EPHA4: variants seen among roughly 807,000 people sequenced by gnomAD.
EPHA4 encodes the protein ephrin type-A receptor 4.
A neutral mutation model predicts 108.3 loss-of-function variants in EPHA4; 19 were observed. That is an observed-to-expected ratio of 0.18 (90% confidence interval 0.12 to 0.26). The LOEUF is 0.26. EPHA4 is among the 10% of genes least tolerant of loss of function. The pLI, the probability that EPHA4 is intolerant of heterozygous loss-of-function variation, is 1.00. For synonymous variants in EPHA4, 449 were observed against 455.5 expected, an observed-to-expected ratio of 0.99 and a Z score of 0.18; for missense variants, 917 against 1,254.0, an observed-to-expected ratio of 0.73 and a Z score of 4.06.
chr2:221,460,688 C>G (rs1691111510), intron 5 of EPHA4, among the ~76,000 whole-genome samples: 1 of 152,178 alleles, frequency 6.6e-6, no homozygotes, highest in African/African-American at 2.4e-5. Context: ...GCTTTTCCCT[C>G]ACCCTTTCTA....
intron 3 of EPHA4, among the ~76,000 whole-genome samples, chr2:221,527,740 C>T (rs948785135): frequency 1.3e-5 from 2 of 152,170 alleles, no homozygotes; most frequent in African/African-American, 4.8e-5. Flanking sequence ...ATTTATCTCA[C>T]AATAGCCCGA....
Position 221,572,224 on chromosome 2 carries a change from G to T in EPHA4, c.25C>A (p.Leu9Ile). The T allele has an allele frequency of 6.2e-7, 1 of 1,614,154 alleles. No homozygotes were observed. Among genetic ancestry groups the T allele is most frequent in the Non-Finnish European group, 8.5e-7 (1 of 1,179,968 alleles). MAGIFYFA[L>I]FSCLFGICDA... is the part of the protein sequence containing the mutation. ...CAAATCCCGAAGAGACACGAAAATA[G>T]GGCGAAATAGAAAATCCCAGCCATG... Residue 9 changes from leucine (L) to isoleucine (I), a missense_variant, in exon 1 of 18, where the codon CTA becomes ATA. By Grantham distance (5) the Leu-to-Ile change is conservative. This residue lies in a region of EPHA4 where 758 missense variants were observed against 1,076.7 expected (regional missense o/e 0.70). Coordinates refer to ENST00000281821, the MANE Select transcript of EPHA4 (RefSeq NM_004438.5).
chr2:221,558,179 T>C (rs1694357007), intron 3 of EPHA4, among the ~76,000 whole-genome samples: 2 of 152,198 alleles, frequency 1.3e-5, no homozygotes, highest in Admixed American at 6.5e-5. Flanking sequence ...GATGATTCCA[T>C]CTATTATTTT....
In EPHA4 at chr2:221,425,950, A is replaced by C. The variant is rs778374044; in HGVS notation, c.*78T>G. On this transcript the variant is annotated 3_prime_UTR_variant, in exon 17 of 18. Coordinates refer to ENST00000281821, the MANE Select transcript of EPHA4 (RefSeq NM_004438.5). The stretch of plus-strand genomic sequence containing the variant: ...ATTTCAGAGGGCGAAGACGAAGTAA[A>C]AAAAGTGCAGTTCTTCAATTAAAGT... The C allele has an allele frequency of 2.7e-5, 33 of 1,217,696 alleles. No homozygotes were observed. Among genetic ancestry groups the C allele is most frequent in the Non-Finnish European group, 3.7e-5 (31 of 831,272 alleles). 75.4% of individuals were successfully genotyped at this position (1,217,696 alleles called of 1,614,324 possible).
intron 5 of EPHA4, among the ~76,000 whole-genome samples, chr2:221,474,205 T>C (rs1040873104): frequency 7.2e-5 from 11 of 152,150 alleles, no homozygotes; most frequent in Non-Finnish European, 2.9e-5. Flanking sequence ...TTTTATTTTT[T>C]TTTCTCCTCA....
chr2:221,511,348 G>A (rs901401553), intron 3 of EPHA4, among the ~76,000 whole-genome samples: 2 of 151,556 alleles, frequency 1.3e-5, no homozygotes, highest in African/African-American at 4.8e-5. Context: ...CTATAACAAT[G>A]GCTGAGTCTT....
At chr2:221,543,123 C>G (rs950978726) in intron 3 of EPHA4, among the ~76,000 whole-genome samples, 12 of 152,252 alleles carry the variant, frequency 7.9e-5, no homozygotes, top group African/African-American at 2.9e-4. Context: ...TATTTTTCAA[C>G]TTGGCAATTA....
intron 3 of EPHA4, among the ~76,000 whole-genome samples, chr2:221,518,620 C>T (rs1161666974): frequency 6.6e-6 from 1 of 152,196 alleles, no homozygotes; most frequent in Non-Finnish European, 1.5e-5. Context: ...CAACTCAGAC[C>T]ACTCCTTGCT....
At chr2:221,519,464 C>T (rs1693093986) in intron 3 of EPHA4, among the ~76,000 whole-genome samples, 1 of 152,122 alleles carries the variant, frequency 6.6e-6, no homozygotes, top group African/African-American at 2.4e-5. Flanking sequence ...AGGAAAGGAG[C>T]CAGGTTGAGA....
intron 17 of EPHA4, among the ~76,000 whole-genome samples, chr2:221,422,975 T>C (rs893525107): frequency 5.9e-5 from 9 of 152,182 alleles, no homozygotes; most frequent in African/African-American, 1.9e-4. Flanking sequence ...CAAACTCTCA[T>C]AAATCCATTT....
At chr2:221,436,189 G>A (rs1438916616) in intron 13 of EPHA4, among the ~76,000 whole-genome samples, 2 of 152,106 alleles carry the variant, frequency 1.3e-5, no homozygotes, top group Non-Finnish European at 2.9e-5. Flanking sequence ...CTAGTTTGTG[G>A]CTGTTAATAT....
chr2:221,492,009 AG>A (rs1446431121), intron 4 of EPHA4, among the ~76,000 whole-genome samples: 1 of 152,108 alleles, frequency 6.6e-6, no homozygotes, highest in Non-Finnish European at 1.5e-5. Context: ...TCTTAAAAAA[AG>A]AAAAAAAGAA....
At chr2:221,563,207 C>T (rs998726908) in intron 3 of EPHA4, among the ~76,000 whole-genome samples, 1 of 152,136 alleles carries the variant, frequency 6.6e-6, no homozygotes, top group African/African-American at 2.4e-5. Flanking sequence ...GGTCATATCT[C>T]CACCGGTCCA....
At chr2:221,561,009 A>G (rs1486106815) in intron 3 of EPHA4, among the ~76,000 whole-genome samples, 1 of 152,052 alleles carries the variant, frequency 6.6e-6, no homozygotes, top group African/African-American at 2.4e-5. Flanking sequence ...TTGGGAGGCC[A>G]AGGCGGGTGG....
intron 2 of EPHA4, among the ~76,000 whole-genome samples, chr2:221,566,205 TTGG>T (rs1694622916): frequency 6.6e-6 from 1 of 152,186 alleles, no homozygotes; most frequent in Non-Finnish European, 1.5e-5. Flanking sequence ...TATATTTTCC[TTGG>T]TGGTATTGTC....
At chr2:221,443,150 T>C (rs1485919349) in intron 10 of EPHA4, 136 bp from the exon 11 acceptor site, 6 of 890,998 alleles carry the variant, frequency 6.7e-6, no homozygotes, top group Non-Finnish European at 1.0e-5. Flanking sequence ...CACAAAATCC[T>C]CCATGCAACC....
intron 3 of EPHA4, among the ~76,000 whole-genome samples, chr2:221,510,566 GA>G (rs1159581440): frequency 9.2e-5 from 14 of 152,148 alleles, no homozygotes; most frequent in African/African-American, 3.4e-4. Context: ...GCTCTTTCAA[GA>G]ACAGAATGCA....
At chr2:221,538,217 A>C (rs1263361119) in intron 3 of EPHA4, among the ~76,000 whole-genome samples, 1 of 152,158 alleles carries the variant, frequency 6.6e-6, no homozygotes, top group Non-Finnish European at 1.5e-5. Flanking sequence ...ATACTGCTCT[A>C]CCTGTAATTT....
intron 4 of EPHA4, among the ~76,000 whole-genome samples, chr2:221,493,535 C>A (rs1692212917): frequency 6.6e-6 from 1 of 152,216 alleles, no homozygotes; most frequent in African/African-American, 2.4e-5. Context: ...TTTTAATTTG[C>A]ATTCAAATTT....
Sources: gnomAD v4.1 joint callset for allele counts (sites outside exome capture counted in the v4.1 genomes callset) on GRCh38, gnomAD v4.1.1 for gene constraint, gnomAD v4.1.1 regional missense constraint, MANE v1.5 for transcripts, NCBI Gene and HGNC (gene_info 2026-07-23, HGNC 2026-07-21) for gene names.